Variants in SEMA3A observed in about 807,000 individuals in gnomAD.
SEMA3A encodes semaphorin 3A.
SEMA3A carries 29 observed loss-of-function variants against 97.9 expected under a neutral mutation model. That is an observed-to-expected ratio of 0.30 (90% confidence interval 0.22 to 0.40). SEMA3A has a LOEUF of 0.40. SEMA3A is among the 10% of genes least tolerant of loss of function. The probability of loss-of-function intolerance (pLI) is 1.00; values close to 1 mark genes in which losing one functional copy is unlikely to be tolerated. For missense variants in SEMA3A, 763 were observed against 951.3 expected (o/e 0.80, Z 2.60); for synonymous variants, 321 against 323.7 (o/e 0.99, Z 0.09).
chr7:84,170,096 A>G (rs1400573467), intron 1 of SEMA3A, among the ~76,000 whole-genome samples: 1 of 151,986 alleles, frequency 6.6e-6, no homozygotes, highest in African/African-American at 2.4e-5. Flanking sequence ...TCAGTTTGCA[A>G]AGATGAATGA....
intron 2 of SEMA3A, among the ~76,000 whole-genome samples, chr7:84,346,584 C>A (rs185650726): frequency 6.6e-6 from 1 of 152,114 alleles, no homozygotes; most frequent in Non-Finnish European, 1.5e-5. Context: ...AAGGGACAGA[C>A]ATCGATAAAT....
intron 1 of SEMA3A, among the ~76,000 whole-genome samples, chr7:84,413,129 T>A (rs1055212422): frequency 6.6e-6 from 1 of 152,316 alleles, no homozygotes; most frequent in Admixed American, 6.5e-5. Flanking sequence ...TCTTTCTTCA[T>A]CTACTGACTT....
intron 1 of SEMA3A, among the ~76,000 whole-genome samples, chr7:84,382,663 C>T (rs1803294220): frequency 6.9e-6 from 1 of 144,860 alleles, no homozygotes; most frequent in Non-Finnish European, 1.5e-5. Context: ...TCGAGACCCT[C>T]CTTGCTAACA....
chr7:84,203,526 A>ATATTTTTTTTTTTTTTTTTTTTTT (rs372380784), intron 3 of SEMA3A, among the ~76,000 whole-genome samples: 1 of 25,658 alleles, frequency 3.9e-5, no homozygotes. Context: ...ATATATATAT[A>ATATTTTTTTTTTTTTTTTTTTTTT]TTTTTTTTTT....
chr7:84,093,834 A>G (rs1794665694), intron 4 of SEMA3A, among the ~76,000 whole-genome samples: 1 of 152,006 alleles, frequency 6.6e-6, no homozygotes, highest in Non-Finnish European at 1.5e-5. Flanking sequence ...TAGCGAAGGC[A>G]TGCTGGGCTT....
At chr7:84,371,838 C>A (rs2116103990) in exon 2 of SEMA3A, 1 of 152,088 alleles carries the variant, frequency 6.6e-6, no homozygotes, top group Non-Finnish European at 1.5e-5. Flanking sequence ...TAAAGGGCCT[C>A]TTCTTGATGA....
At chr7:84,276,826 T>C (rs780045122) in intron 3 of SEMA3A, among the ~76,000 whole-genome samples, 1 of 152,142 alleles carries the variant, frequency 6.6e-6, no homozygotes, top group East Asian at 1.9e-4. Context: ...CTGCTACATG[T>C]TTTGTTGCAA....
At chr7:84,105,035 G>T (rs1205272527) in intron 4 of SEMA3A, among the ~76,000 whole-genome samples, 1 of 152,112 alleles carries the variant, frequency 6.6e-6, no homozygotes, top group African/African-American at 2.4e-5. Context: ...TGGAGACAAT[G>T]AACAGCTGAG....
At chr7:84,245,907 C>T (rs1186983642) in intron 3 of SEMA3A, among the ~76,000 whole-genome samples, 1 of 152,192 alleles carries the variant, frequency 6.6e-6, no homozygotes, top group Non-Finnish European at 1.5e-5. Flanking sequence ...CTGCTTTCTT[C>T]AGAGCAGGCA....
chr7:84,439,476 A>T (rs1805216768), intron 1 of SEMA3A, among the ~76,000 whole-genome samples: 1 of 152,214 alleles, frequency 6.6e-6, no homozygotes, highest in South Asian at 2.1e-4. Context: ...TCTATTAAGC[A>T]TAAGCAAGGC....
intron 1 of SEMA3A, among the ~76,000 whole-genome samples, chr7:84,181,014 A>G (rs2116235972): frequency 6.6e-6 from 1 of 152,228 alleles, no homozygotes; most frequent in East Asian, 1.9e-4. Flanking sequence ...TGGGAGTACA[A>G]TACACTTGAT....
chr7:84,227,940 G>A (rs73712713), intron 3 of SEMA3A, among the ~76,000 whole-genome samples: 2,623 of 151,712 alleles, frequency 0.017, 77 homozygotes, highest in African/African-American at 0.061. Flanking sequence ...TGGGGGGCGG[G>A]GGCAGGTAGT....
chr7:83,976,713 G>C (rs56412111), intron 15 of SEMA3A, among the ~76,000 whole-genome samples: 34,078 of 151,368 alleles, frequency 0.23, 4,073 homozygotes, highest in Middle Eastern at 0.29. Flanking sequence ...TGATATATTA[G>C]GTTTATATCA....
intron 3 of SEMA3A, among the ~76,000 whole-genome samples, chr7:84,299,242 G>GTA (rs71078820): frequency 0.1 from 12,560 of 126,122 alleles, 983 homozygotes; most frequent in East Asian, 0.36. Context: ...AAAACAGTGT[G>GTA]TATATATATA....
At chr7:84,454,481 C>T (rs1447174963) in intron 1 of SEMA3A, among the ~76,000 whole-genome samples, 2 of 152,064 alleles carry the variant, frequency 1.3e-5, no homozygotes, top group African/African-American at 4.8e-5. Flanking sequence ...ATTCACAGTA[C>T]CAATTATTAT....
rs1788425712 is a variant in SEMA3A at position 83,960,522 on chromosome 7, T to C, written c.*849A>G. ...TAATTTATATCCTGGTTTTAGAGAT[T>C]CACTCTTAATGATGTATATGTGTTT... On this transcript the variant is annotated 3_prime_UTR_variant, in exon 17 of 17. Coordinates refer to ENST00000265362, the MANE Select transcript of SEMA3A (RefSeq NM_006080.3). 1 of 152,484 alleles carries C rather than the reference T, an allele frequency of 6.6e-6. No individual in the cohort carries two copies. Among genetic ancestry groups the C allele is most frequent in the Admixed American group, 6.6e-5 (1 of 15,248 alleles). The allele number at this position is 152,484 out of a possible 1,614,324, so 9.4% of individuals were successfully genotyped here.
chr7:84,120,261 G>A (rs531300029), intron 3 of SEMA3A, among the ~76,000 whole-genome samples: 10 of 152,094 alleles, frequency 6.6e-5, no homozygotes, highest in African/African-American at 2.4e-4. Context: ...TTCAAAATAT[G>A]AATACTACCT....
At chr7:84,334,951 A>C (rs1036249947) in intron 2 of SEMA3A, among the ~76,000 whole-genome samples, 1 of 152,012 alleles carries the variant, frequency 6.6e-6, no homozygotes, top group Non-Finnish European at 1.5e-5. Flanking sequence ...CAAAAAAACA[A>C]TAATGATTTT....
chr7:84,029,353 T>C (rs1357814), intron 6 of SEMA3A, among the ~76,000 whole-genome samples: 105,120 of 151,958 alleles, frequency 0.69, 36,569 homozygotes, highest in Middle Eastern at 0.77. Context: ...TTGCAGATTG[T>C]GAAAGTTGCA....
Sources: allele counts gnomAD v4.1 joint callset (sites outside exome capture counted in the v4.1 genomes callset), GRCh38; gene constraint gnomAD v4.1.1; transcripts MANE v1.5; gene names NCBI Gene and HGNC (gene_info 2026-07-23, HGNC 2026-07-21).